The following MYH14 variants were observed in gnomAD, a reference collection of about 807,000 sequenced individuals.
MYH14 encodes myosin-14.
In MYH14, 123 loss-of-function variants were observed where a neutral mutation model predicts 255.5. The ratio of observed to expected loss-of-function variants is 0.48; its 90% confidence interval spans 0.42 to 0.56. MYH14 has a LOEUF of 0.56. Ranked by LOEUF, MYH14 falls within the 20% of genes least tolerant of loss-of-function variation. The pLI, the probability that MYH14 is intolerant of heterozygous loss-of-function variation, is 0.00. For missense variants in MYH14, 2,423 were observed against 2,802.3 expected, an observed-to-expected ratio of 0.86 and a Z score of 3.06; for synonymous variants, 1,095 against 1,161.2, an observed-to-expected ratio of 0.94 and a Z score of 1.16.
Position 50,263,340 on chromosome 19 carries a change from A to G in MYH14, c.2614A>G (p.Ser872Gly). Residue 872 changes from serine to glycine, a missense_variant, in exon 22 of 43, where the codon AGC becomes GGC. Around this residue, in one of 3 missense-constraint regions of MYH14, gnomAD observed 1,513 missense variants for 1,674.8 expected, o/e 0.90. Transcript: ENST00000642316. Reference protein sequence around the residue: ...RAFQKRQQQQSALRVMQRNCA... With the variant: ...RAFQKRQQQQGALRVMQRNCA... ...CTTCCAGAAGCGCCAGCAGCAGCAG[A>G]GCGCCCTGAGGGTGATGCAGCGGAA... 6 of 1,582,554 alleles carry G rather than the reference A, an allele frequency of 3.8e-6. No individual in the cohort carries two copies. Among genetic ancestry groups the G allele is most frequent in the Non-Finnish European group, 5.2e-6 (6 of 1,164,340 alleles).
chr19:50,260,915 A>G (rs2034824781), intron 20 of MYH14, among the ~76,000 whole-genome samples, 200 bp downstream of exon 20: 1 of 150,878 alleles, frequency 6.6e-6, no homozygotes, highest in African/African-American at 2.4e-5. Context: ...GTTTGTGTGC[A>G]GGGGCCCAGG....
chr19:50,255,813 G>A (rs1037862529), intron 17 of MYH14, among the ~76,000 whole-genome samples: 1 of 151,156 alleles, frequency 6.6e-6, no homozygotes, highest in Admixed American at 6.7e-5. Context: ...TAGGGGAGAC[G>A]GTTGAACCTG....
intron 19 of MYH14, 90 bp downstream of exon 19, chr19:50,259,355 A>T: frequency 6.7e-7 from 1 of 1,485,434 alleles, no homozygotes; most frequent in Non-Finnish European, 9.1e-7. Flanking sequence ...GTCTCCACCC[A>T]CTCTTGTTCC....
At chr19:50,251,563 C>CATATATATAT (rs1395229662) in intron 15 of MYH14, among the ~76,000 whole-genome samples, 7 of 104,132 alleles carry the variant, frequency 6.7e-5, no homozygotes, top group South Asian at 3.2e-4. Context: ...CACACACACA[C>CATATATATAT]ACACACATAT....
intron 19 of MYH14, among the ~76,000 whole-genome samples, chr19:50,259,605 G>A (rs1410033986): frequency 1.3e-5 from 2 of 152,188 alleles, no homozygotes; most frequent in African/African-American, 2.4e-5. Flanking sequence ...AAGGCGGGGC[G>A]CGGTGGCTCA....
chr19:50,286,400 T>C (rs1263016214), intron 33 of MYH14, 82 bp from the exon 34 acceptor site: 8 of 1,303,408 alleles, frequency 6.1e-6, no homozygotes, highest in Non-Finnish European at 8.5e-6. Flanking sequence ...TCTCTGTTCC[T>C]GGCTGCTCCC....
Position 50,252,786 on chromosome 19 carries a change from G to A in MYH14, c.1945+33G>A. 6.9e-7 allele frequency: 1 copy of A among 1,452,082 alleles called. No homozygotes were observed. Among genetic ancestry groups the A allele is most frequent in the South Asian group, 1.2e-5 (1 of 82,152 alleles). The allele number at this position is 1,452,082 out of a possible 1,614,324, so 89.9% of individuals were successfully genotyped here. A position where few individuals can be genotyped will look rare whatever the true frequency, so the allele number is the denominator to read the frequency against. ...CCCACTTCCCCCACCCCGGCTCTAG[G>A]GGTCTGTGCGGCCATTCTCCAAATC... On this transcript the variant is annotated intron_variant, in intron 16 of 42. Transcript: ENST00000642316. The surrounding 1 kb of genome is among the most constrained non-coding windows in gnomAD (Gnocchi z 4.2).
chr19:50,283,130 T>G (rs1404404086), intron 33 of MYH14, among the ~76,000 whole-genome samples: 1 of 151,912 alleles, frequency 6.6e-6, no homozygotes, highest in African/African-American at 2.4e-5. Context: ...AAATAATTTT[T>G]TTTTTTTGAG....
intron 8 of MYH14, among the ~76,000 whole-genome samples, chr19:50,227,224 GGCA>G (rs2033154098): frequency 6.6e-6 from 1 of 152,030 alleles, no homozygotes; most frequent in Non-Finnish European, 1.5e-5. Context: ...AGCCTGCAGT[GGCA>G]CTCATGGTGA....
intron 40 of MYH14, 60 bp downstream of exon 40, chr19:50,301,929 A>C (rs1267470325): frequency 7.3e-7 from 1 of 1,365,582 alleles, no homozygotes; most frequent in Non-Finnish European, 1.0e-6. Context: ...TGGTGAGAGG[A>C]AGGAGGCTGT....
Position 50,281,839 on chromosome 19 carries a change from C to A in MYH14, c.4536C>A (p.Asp1512Glu). Reference protein sequence around the residue: ...STLEKKQRKFDQLLAEEKAAV... With the variant: ...STLEKKQRKFEQLLAEEKAAV... Reference sequence around the variant, plus strand: ...TGGAGAAGAAGCAGCGCAAGTTTGACCAGGTGGGGCACCTCAGTTCACCCA... The same window carrying A: ...TGGAGAAGAAGCAGCGCAAGTTTGAACAGGTGGGGCACCTCAGTTCACCCA... The change falls in exon 33 of 43, where the codon GAC becomes GAA. Residue 1512 changes from aspartate (D) to glutamate (E), a missense_variant. Asp to Glu is a conservative substitution (Grantham distance 45). Around this residue, in one of 3 missense-constraint regions of MYH14, gnomAD observed 1,513 missense variants for 1,674.8 expected, o/e 0.90. Coordinates refer to ENST00000642316, the MANE Select transcript of MYH14 (RefSeq NM_001145809.2). 9 of 1,609,960 alleles carry A rather than the reference C, an allele frequency of 5.6e-6. No individual in the cohort carries two copies. Among genetic ancestry groups the A allele is most frequent in the Non-Finnish European group, 7.6e-6 (9 of 1,177,576 alleles).
Position 50,273,138 on chromosome 19 carries a change from A to AAG in MYH14, c.3467+408_3467+409insGA, listed in dbSNP as rs1307755045. Among the ~76,000 whole-genome samples, 53 of 152,046 alleles carry AAG rather than the reference A, an allele frequency of 3.5e-4. 1 individual carries two copies. The highest frequency in any genetic ancestry group is 1.8e-3 in the Admixed American group (27 of 15,272). ...AAACCCTGTCTCTACTAAAAATACA[A>AAG]AAGTTAGCTGGGTGTGGTGGCGGGC... On this transcript the variant is annotated intron_variant, in intron 27 of 42. Transcript: ENST00000642316.
At chr19:50,210,798 TGCGGCGGAG>T in intron 2 of MYH14, 28 bp downstream of exon 2, 1 of 1,534,586 alleles carries the variant, frequency 6.5e-7, no homozygotes, top group Non-Finnish European at 8.7e-7. Context: ...GGGGGGCGCG[TGCGGCGGAG>T]TTGCTGCCGG....
intron 39 of MYH14, among the ~76,000 whole-genome samples, chr19:50,296,984 T>TGTTTGTTTG (rs35580414): frequency 0.63 from 95,083 of 151,666 alleles, 32,578 homozygotes; most frequent in East Asian, 0.92. Context: ...CTCTGTTTTT[T>TGTTTGTTTG]TTTGTTTGTT....
chr19:50,219,490 T>C (rs953460702), intron 3 of MYH14, among the ~76,000 whole-genome samples: 2 of 152,168 alleles, frequency 1.3e-5, no homozygotes, highest in African/African-American at 2.4e-5. Context: ...GGAGATTCTT[T>C]AAAGATCTTT....
Position 50,301,672 on chromosome 19 carries a change from G to T in MYH14, c.5481G>T (p.Leu1827=). The T allele has an allele frequency of 6.2e-7, 1 of 1,612,930 alleles. No homozygotes were observed. Among genetic ancestry groups the T allele is most frequent in the South Asian group, 1.1e-5 (1 of 91,018 alleles). The change falls in exon 40 of 43, where the codon CTG becomes CTT. Residue 1827 remains leucine, a synonymous_variant. Transcript: ENST00000642316. ...CCCTCCTGCTACAGGTAGAGTCACT[G>T]ACCACAGAGCTGTCAGCTGAGCGCA... ...YRKLLLQVES[L]TTELSAERSF...
rs1600916789 is a variant in MYH14, at chr19:50,240,586, T to C, written c.1115-3656T>C. Among the ~76,000 whole-genome samples, 3 of 150,430 alleles carry C rather than the reference T, an allele frequency of 2.0e-5. No individual in the cohort carries two copies. The South Asian group carries it at 6.3e-4, about 32-fold the overall frequency. On this transcript the variant is annotated intron_variant, in intron 10 of 42. Coordinates refer to ENST00000642316, the MANE Select transcript of MYH14 (RefSeq NM_001145809.2). ...GGCAACAGAGCAAGACTCTGTCTCT[T>C]TAAAAAAAAATCTATGCTAAAATGA... is the stretch of plus-strand genomic sequence containing the variant.
At chr19:50,299,166 A>C (rs1447545965) in intron 39 of MYH14, among the ~76,000 whole-genome samples, 1 of 152,220 alleles carries the variant, frequency 6.6e-6, no homozygotes, top group Non-Finnish European at 1.5e-5. Context: ...TCCAGGAAAC[A>C]CAGAGGAGAG....
chr19:50,240,799 AT>A (rs2033862760), intron 10 of MYH14, among the ~76,000 whole-genome samples: 1 of 151,522 alleles, frequency 6.6e-6, no homozygotes, highest in Non-Finnish European at 1.5e-5. Flanking sequence ...AAATAAAAAA[AT>A]AAAAACAGAA....
Sources: allele counts gnomAD v4.1 joint callset (sites outside exome capture counted in the v4.1 genomes callset), GRCh38; gene constraint gnomAD v4.1.1; regional missense constraint gnomAD v4.1.1; non-coding constraint Gnocchi (gnomAD v3.1); transcripts MANE v1.5; gene names NCBI Gene and HGNC (gene_info 2026-07-23, HGNC 2026-07-21).